FHIT: variants seen among roughly 807,000 people sequenced by gnomAD.
FHIT encodes bis(5'-adenosyl)-triphosphatase.
A neutral mutation model predicts 17.9 loss-of-function variants in FHIT; 19 were observed. The ratio of observed to expected loss-of-function variants is 1.06; its 90% CI spans 0.74 to 1.56. The LOEUF (loss-of-function observed/expected upper bound fraction) is 1.56, where lower values mean the gene tolerates loss of function less well. FHIT is among the 40% of genes most tolerant of loss of function. The pLI is 0.00. For synonymous variants in FHIT, 81 were observed against 69.7 expected, an observed-to-expected ratio of 1.16 and a Z score of -0.81; for missense variants, 248 against 189.2, an observed-to-expected ratio of 1.31 and a Z score of -1.82.
intron 5 of FHIT, among the ~76,000 whole-genome samples, chr3:60,063,214 A>G (rs1212696334): frequency 6.6e-6 from 1 of 152,160 alleles, no homozygotes; most frequent in Non-Finnish European, 1.5e-5. Flanking sequence ...CATTATAGTT[A>G]GATCTCCATT....
intron 8 of FHIT, among the ~76,000 whole-genome samples, chr3:59,762,148 C>G (rs1338608530): frequency 6.6e-6 from 1 of 152,106 alleles, no homozygotes; most frequent in South Asian, 2.1e-4. Flanking sequence ...CATGGCTACA[C>G]TGGACAAAGG....
intron 8 of FHIT, among the ~76,000 whole-genome samples, chr3:59,850,543 A>G (rs1020755923): frequency 1.3e-5 from 2 of 152,198 alleles, no homozygotes; most frequent in African/African-American, 4.8e-5. Flanking sequence ...CATCACACAC[A>G]GAAGAGAAGC....
At chr3:60,967,770 A>C (rs1477762668) in intron 3 of FHIT, among the ~76,000 whole-genome samples, 8 of 152,224 alleles carry the variant, frequency 5.3e-5, no homozygotes, top group Non-Finnish European at 1.2e-4. Context: ...AATGCATTAC[A>C]CTAGACTTTC....
chr3:60,289,401 T>G (rs1189646250), intron 5 of FHIT, among the ~76,000 whole-genome samples: 1 of 152,186 alleles, frequency 6.6e-6, no homozygotes, highest in African/African-American at 2.4e-5. Flanking sequence ...CTTTAATTTA[T>G]AGCTCCAGAA....
At chr3:60,787,550 G>A (rs1158932499) in intron 4 of FHIT, among the ~76,000 whole-genome samples, 2 of 152,206 alleles carry the variant, frequency 1.3e-5, no homozygotes, top group East Asian at 3.8e-4. Flanking sequence ...CTGTCTGCCT[G>A]TTCACCCCAA....
chr3:60,782,221 G>T (rs1044591092), intron 4 of FHIT, among the ~76,000 whole-genome samples: 2 of 140,794 alleles, frequency 1.4e-5, no homozygotes, highest in Non-Finnish European at 3.1e-5. Context: ...ATATTTCATT[G>T]TGTGTGTGTG....
chr3:60,583,325 A>G (rs548367472), intron 4 of FHIT, among the ~76,000 whole-genome samples: 1 of 152,098 alleles, frequency 6.6e-6, no homozygotes, highest in African/African-American at 2.4e-5. Context: ...CTAGCTGGTC[A>G]TATTCCTCAG....
At chr3:59,841,757 T>A (rs978688124) in intron 8 of FHIT, among the ~76,000 whole-genome samples, 1 of 152,258 alleles carries the variant, frequency 6.6e-6, no homozygotes, top group African/African-American at 2.4e-5. Flanking sequence ...ACTATCTTTT[T>A]AATAAACAGA....
intron 4 of FHIT, among the ~76,000 whole-genome samples, chr3:60,547,597 C>T (rs919841130): frequency 5.7e-4 from 87 of 152,226 alleles, no homozygotes; most frequent in African/African-American, 2.1e-3. Context: ...TAAAAGGTAG[C>T]CTCTTGCTAC....
rs537491268 is a variant in FHIT, at chr3:60,630,174, C to A, written c.-17-93195G>T. ...TTCTTCTAGCCAGGAGGTCTGGCTTCATTTTCGAAGTTATCTCAGAAACCT... is the reference window on the plus strand; with the variant it reads ...TTCTTCTAGCCAGGAGGTCTGGCTTAATTTTCGAAGTTATCTCAGAAACCT... On this transcript the variant is annotated intron_variant, in intron 4 of 9. Coordinates refer to ENST00000492590, the MANE Select transcript of FHIT (RefSeq NM_002012.4). Among the ~76,000 whole-genome samples, 183 of 152,302 alleles carry A rather than the reference C, an allele frequency of 1.2e-3. 1 individual carries two copies. Among genetic ancestry groups the A allele is most frequent in the African/African-American group, 4.1e-3 (170 of 41,580 alleles).
intron 7 of FHIT, among the ~76,000 whole-genome samples, chr3:60,002,460 C>T (rs560194172): frequency 6.6e-6 from 1 of 152,236 alleles, no homozygotes; most frequent in South Asian, 2.1e-4. Flanking sequence ...AGGATGGATG[C>T]CTCATGACAT....
intron 2 of FHIT, among the ~76,000 whole-genome samples, chr3:61,160,599 G>A (rs553129132): frequency 1.3e-5 from 2 of 152,134 alleles, no homozygotes; most frequent in African/African-American, 2.4e-5. Flanking sequence ...ACAGAAGGAA[G>A]AAAAATAATG....
chr3:60,648,636 G>T (rs1181487544), intron 4 of FHIT, among the ~76,000 whole-genome samples: 1 of 152,204 alleles, frequency 6.6e-6, no homozygotes, highest in Admixed American at 6.5e-5. Context: ...CCTGTTACTT[G>T]ATGAAGCATC....
At chr3:60,964,124 G>C (rs1019325728) in intron 3 of FHIT, among the ~76,000 whole-genome samples, 3 of 152,138 alleles carry the variant, frequency 2.0e-5, no homozygotes, top group Non-Finnish European at 4.4e-5. Flanking sequence ...CCTGTATTGG[G>C]TGCATATATA....
chr3:60,574,366 T>C (rs1473110032), intron 4 of FHIT, among the ~76,000 whole-genome samples: 1 of 132,644 alleles, frequency 7.5e-6, no homozygotes, highest in Admixed American at 7.3e-5. Flanking sequence ...TCCAACTCCT[T>C]TTTTTTTTTT....
At chr3:59,753,366 T>C (rs2106738544) in intron 8 of FHIT, among the ~76,000 whole-genome samples, 1 of 152,336 alleles carries the variant, frequency 6.6e-6, no homozygotes, top group South Asian at 2.1e-4. Context: ...TACAGGCATA[T>C]TTAAAAAATT....
intron 2 of FHIT, among the ~76,000 whole-genome samples, chr3:61,130,844 T>C (rs967433019): frequency 2.6e-5 from 4 of 152,220 alleles, no homozygotes; most frequent in African/African-American, 9.6e-5. Flanking sequence ...GGATTCTGTC[T>C]TTGAGAAGCT....
intron 5 of FHIT, among the ~76,000 whole-genome samples, chr3:60,386,679 G>A (rs900824401): frequency 1.3e-5 from 2 of 152,094 alleles, no homozygotes; most frequent in African/African-American, 4.8e-5. Flanking sequence ...TAGCACACAT[G>A]GGTCAAAATC....
chr3:60,055,004 G>C (rs1444462502), intron 5 of FHIT, among the ~76,000 whole-genome samples: 1 of 152,118 alleles, frequency 6.6e-6, no homozygotes, highest in Non-Finnish European at 1.5e-5. Flanking sequence ...TGTTTGTCTA[G>C]AGAGGACAGT....
Sources: gnomAD v4.1 joint callset for allele counts (sites outside exome capture counted in the v4.1 genomes callset) on GRCh38, gnomAD v4.1.1 for gene constraint, MANE v1.5 for transcripts, NCBI Gene and HGNC (gene_info 2026-07-23, HGNC 2026-07-21) for gene names.